SIPA1L2: variants seen among roughly 807,000 people sequenced by gnomAD.
The protein encoded by SIPA1L2 is signal-induced proliferation-associated 1-like protein 2.
A neutral mutation model predicts 163.9 loss-of-function variants in SIPA1L2; 56 were observed. The ratio of observed to expected loss-of-function variants is 0.34; its 90% CI spans 0.28 to 0.43. The LOEUF (loss-of-function observed/expected upper bound fraction) is 0.43. SIPA1L2 is among the 20% of genes least tolerant of loss of function. SIPA1L2 has a pLI of 1.00. For synonymous variants in SIPA1L2, 877 were observed against 865.7 expected, an observed-to-expected ratio of 1.01 and a Z score of -0.23; for missense variants, 1,974 against 2,193.5, an observed-to-expected ratio of 0.90 and a Z score of 2.00.
chr1:232,411,193 CA>C (rs770863233), intron 19 of SIPA1L2, among the ~76,000 whole-genome samples: 23 of 152,162 alleles, frequency 1.5e-4, no homozygotes, highest in Non-Finnish European at 2.9e-4. Flanking sequence ...TACAGGAAAC[CA>C]AGTTCTTTAG....
At chr1:232,501,315 A>C (rs1384433869) in intron 3 of SIPA1L2, among the ~76,000 whole-genome samples, 1 of 152,172 alleles carries the variant, frequency 6.6e-6, no homozygotes, top group Admixed American at 6.5e-5. Flanking sequence ...CAACTTTTAT[A>C]TGCACCGTGA....
Position 232,402,477 on chromosome 1 carries a change from G to A in SIPA1L2, c.4941-4C>T. The A allele has an allele frequency of 6.2e-7, 1 of 1,610,928 alleles. No individual in the cohort carries two copies. The highest frequency in any genetic ancestry group is 2.2e-5 in the East Asian group (1 of 44,814). ...CAGTGGTGATGGAGAACGCTCCCTA[G>A]CAAATAAGGATAGAATTAGAAAGAT... On this transcript the variant is annotated splice_polypyrimidine_tract_variant and splice_region_variant and intron_variant, in intron 21 of 22. Transcript: ENST00000674635.
chr1:232,542,854 A>G (rs1421071649), intron 2 of SIPA1L2, among the ~76,000 whole-genome samples: 3 of 152,158 alleles, frequency 2.0e-5, no homozygotes, highest in Non-Finnish European at 4.4e-5. Context: ...TCGCTCATAT[A>G]TACTCCTCTC....
chr1:232,607,775 G>T (rs1456922550), intron 1 of SIPA1L2, among the ~76,000 whole-genome samples: 2 of 146,868 alleles, frequency 1.4e-5, no homozygotes, highest in Non-Finnish European at 3.0e-5. Flanking sequence ...AAAAAAAAAC[G>T]CCGGGCACAG....
intron 2 of SIPA1L2, among the ~76,000 whole-genome samples, chr1:232,550,722 C>T (rs533110762): frequency 1.6e-4 from 24 of 152,254 alleles, no homozygotes; most frequent in South Asian, 1.5e-3. Flanking sequence ...CTTCTCCCCT[C>T]GGGAGGTGAT....
At chr1:232,459,575 C>T (rs1037151437) in intron 10 of SIPA1L2, among the ~76,000 whole-genome samples, 1 of 152,152 alleles carries the variant, frequency 6.6e-6, no homozygotes, top group East Asian at 1.9e-4. Flanking sequence ...TACAGAGGCA[C>T]GATCTCAGCT....
At chr1:232,535,564 G>A (rs745382770) in intron 2 of SIPA1L2, among the ~76,000 whole-genome samples, 1 of 152,166 alleles carries the variant, frequency 6.6e-6, no homozygotes, top group Non-Finnish European at 1.5e-5. Flanking sequence ...AGTTACAAAT[G>A]CTATCCCAGG....
intron 10 of SIPA1L2, among the ~76,000 whole-genome samples, chr1:232,451,771 T>C (rs1371217654): frequency 2.0e-5 from 3 of 152,118 alleles, no homozygotes; most frequent in African/African-American, 7.2e-5. Flanking sequence ...ATCACTTTTA[T>C]GTAGGCATAT....
intron 2 of SIPA1L2, among the ~76,000 whole-genome samples, chr1:232,556,829 C>T (rs754865081): frequency 1.1e-4 from 17 of 152,030 alleles, no homozygotes; most frequent in Admixed American, 2.0e-4. Flanking sequence ...AAGCACACTT[C>T]TTGGAAAGCT....
chr1:232,448,921 G>A (rs1298913015), intron 10 of SIPA1L2, among the ~76,000 whole-genome samples: 5 of 152,110 alleles, frequency 3.3e-5, no homozygotes, highest in Admixed American at 3.3e-4. Flanking sequence ...AAGGGCGTGA[G>A]GTGCAGAGGA....
chr1:232,598,963 CA>C (rs3028130), intron 1 of SIPA1L2, among the ~76,000 whole-genome samples: 7,873 of 123,464 alleles, frequency 0.064, 684 homozygotes, highest in East Asian at 0.43. Context: ...CTCTACCCCT[CA>C]AAAAAAAAAA....
chr1:232,540,677 C>T (rs531625147), intron 2 of SIPA1L2, among the ~76,000 whole-genome samples: 1 of 151,820 alleles, frequency 6.6e-6, no homozygotes, highest in South Asian at 2.1e-4. Flanking sequence ...AAAACAGAAA[C>T]ATGCAAGAAG....
chr1:232,429,603 G>C (rs1355602824), intron 16 of SIPA1L2, among the ~76,000 whole-genome samples: 2 of 148,226 alleles, frequency 1.3e-5, no homozygotes, highest in African/African-American at 5.0e-5. Flanking sequence ...AACAAATAGT[G>C]GCTGTAAAAA....
chr1:232,588,494 T>C (rs1209941161), intron 1 of SIPA1L2, among the ~76,000 whole-genome samples: 1 of 152,252 alleles, frequency 6.6e-6, no homozygotes, highest in Non-Finnish European at 1.5e-5. Context: ...GAGATTTTTC[T>C]AAGTGGCCAA....
At chr1:232,548,646 A>T (rs1462640636) in intron 2 of SIPA1L2, among the ~76,000 whole-genome samples, 1 of 152,228 alleles carries the variant, frequency 6.6e-6, no homozygotes, top group Non-Finnish European at 1.5e-5. Flanking sequence ...GGCAGATAAC[A>T]AGCCCAGCAC....
intron 2 of SIPA1L2, among the ~76,000 whole-genome samples, chr1:232,557,732 G>A (rs909287386): frequency 1.3e-5 from 2 of 152,158 alleles, no homozygotes; most frequent in African/African-American, 2.4e-5. Context: ...CTAGACTGAG[G>A]ATGTAGAAAT....
intron 18 of SIPA1L2, among the ~76,000 whole-genome samples, chr1:232,416,961 A>C (rs1455165350): frequency 6.6e-6 from 1 of 152,238 alleles, no homozygotes; most frequent in Non-Finnish European, 1.5e-5. Context: ...AGTTCTAAAA[A>C]GGCTTCAACT....
At chr1:232,451,962 C>G (rs952650642) in intron 10 of SIPA1L2, among the ~76,000 whole-genome samples, 13 of 145,628 alleles carry the variant, frequency 8.9e-5, no homozygotes, top group African/African-American at 3.3e-4. Context: ...AAAGCATACA[C>G]TGGAAGGCAA....
At chr1:232,591,714 G>A (rs1040220414) in intron 1 of SIPA1L2, among the ~76,000 whole-genome samples, 13 of 152,172 alleles carry the variant, frequency 8.5e-5, no homozygotes, top group East Asian at 3.8e-4. Context: ...AAAAAGATGC[G>A]GTACCTTATG....
Sources: allele counts gnomAD v4.1 joint callset (sites outside exome capture counted in the v4.1 genomes callset), GRCh38; gene constraint gnomAD v4.1.1; transcripts MANE v1.5; gene names NCBI Gene and HGNC (gene_info 2026-07-23, HGNC 2026-07-21).